The following NBAS variants were observed in gnomAD, a reference collection of about 807,000 sequenced individuals.
NBAS encodes NAG/BC035112 fusion.
A neutral mutation model predicts 302.5 loss-of-function variants in NBAS; 219 were observed. The observed-to-expected ratio is 0.72, with a 90% confidence interval of 0.65 to 0.81. The LOEUF is 0.81. Among genes scored for constraint, NBAS ranks in the 30% least tolerant of loss-of-function variants. The pLI, the probability that NBAS is intolerant of heterozygous loss-of-function variation, is 0.00. For missense variants in NBAS, 2,932 were observed against 2,841.6 expected, an observed-to-expected ratio of 1.03 and a Z score of -0.72; for synonymous variants, 1,118 against 1,021.6, an observed-to-expected ratio of 1.09 and a Z score of -1.80.
At chr2:14,820,354 C>T in the NBAS span, among the ~76,000 whole-genome samples, 8 of 152,150 alleles carry the variant, frequency 5.3e-5, no homozygotes, top group African/African-American at 9.7e-5. Flanking sequence ...GAGACCCAAT[C>T]GATTGCAACA....
At chr2:14,788,292 T>A in the NBAS span, among the ~76,000 whole-genome samples, 2 of 152,210 alleles carry the variant, frequency 1.3e-5, no homozygotes, top group African/African-American at 4.8e-5. Flanking sequence ...CGGAGTAGTT[T>A]GATTGTCTGA....
chr2:15,136,050 C>T, the NBAS span, among the ~76,000 whole-genome samples: 1,192 of 152,300 alleles, frequency 7.8e-3, 20 homozygotes, highest in African/African-American at 0.028. Context: ...CACCATTCTC[C>T]GGTCAAGAGG....
intron 28 of NBAS, chr2:15,393,614 T>TGAAAGCGTATGTCTACACAAAC: frequency 2.1e-6 from 1 of 465,868 alleles, no homozygotes; most frequent in Non-Finnish European, 4.4e-6. Flanking sequence ...CTGAGAGAAA[T>TGAAAGCGTATGTCTACACAAAC]GAAAGCGTAT....
intron 9 of NBAS, among the ~76,000 whole-genome samples, chr2:15,528,919 ACACAC>A (rs1663082113): frequency 1.4e-5 from 1 of 73,380 alleles, no homozygotes. Context: ...ATATATACAC[ACACAC>A]ATATATATTT....
At chr2:14,965,896 T>A in the NBAS span, among the ~76,000 whole-genome samples, 2 of 152,184 alleles carry the variant, frequency 1.3e-5, no homozygotes, top group African/African-American at 4.8e-5. Context: ...TACTTGTGAA[T>A]GTGACTTCAT....
intron 35 of NBAS, among the ~76,000 whole-genome samples, chr2:15,335,052 A>T (rs1021933825): frequency 6.6e-6 from 1 of 152,222 alleles, no homozygotes; most frequent in South Asian, 2.1e-4. Context: ...TTTTAAGAGT[A>T]GTTAAAGACT....
In NBAS at chr2:15,515,381, A is replaced by G. The variant is rs575421738; in HGVS notation, c.747-4031T>C. On this transcript the variant is annotated intron_variant, in intron 9 of 51. Coordinates refer to ENST00000281513, the MANE Select transcript of NBAS (RefSeq NM_015909.4). Reference sequence around the variant, plus strand: ...ATGCCAAGGGGCCAGCCTGGAAAACATGTCTCTACAAAAATACAAAAATTA... The same window carrying G: ...ATGCCAAGGGGCCAGCCTGGAAAACGTGTCTCTACAAAAATACAAAAATTA... Among the ~76,000 whole-genome samples, 93 of 152,298 alleles carry G rather than the reference A, an allele frequency of 6.1e-4. No individual in the cohort carries two copies. The South Asian group carries it at 0.01, about 17-fold the overall frequency.
At chr2:15,126,558 C>G in the NBAS span, among the ~76,000 whole-genome samples, 1 of 152,148 alleles carries the variant, frequency 6.6e-6, no homozygotes, top group Non-Finnish European at 1.5e-5. Flanking sequence ...AGGTACCTCA[C>G]CCGAGGGGCA....
chr2:15,192,500 G>GA (rs1222498831), intron 48 of NBAS, among the ~76,000 whole-genome samples: 3 of 152,038 alleles, frequency 2.0e-5, no homozygotes, highest in Non-Finnish European at 4.4e-5. Context: ...ATTGCCAAAA[G>GA]AAAAATTACT....
At chr2:15,426,898 GA>G (rs1677507198) in intron 22 of NBAS, among the ~76,000 whole-genome samples, 1 of 152,068 alleles carries the variant, frequency 6.6e-6, no homozygotes. Flanking sequence ...TCAGTATCTA[GA>G]AACCTCTTTT....
At chr2:14,926,212 C>G in the NBAS span, among the ~76,000 whole-genome samples, 1 of 152,178 alleles carries the variant, frequency 6.6e-6, no homozygotes, top group African/African-American at 2.4e-5. Context: ...GGGACCCATA[C>G]TACAATTACG....
intron 48 of NBAS, among the ~76,000 whole-genome samples, chr2:15,204,350 T>C (rs1666039545): frequency 6.6e-6 from 1 of 152,184 alleles, no homozygotes; most frequent in African/African-American, 2.4e-5. Context: ...TATTGTACTC[T>C]ACCCAGTAAT....
intron 9 of NBAS, among the ~76,000 whole-genome samples, chr2:15,525,700 G>A (rs1055740253): frequency 1.3e-5 from 2 of 152,066 alleles, no homozygotes; most frequent in African/African-American, 4.8e-5. Context: ...GTAAATTAGG[G>A]TCTAGAAGTA....
At chr2:15,120,996 CT>C in the NBAS span, among the ~76,000 whole-genome samples, 1 of 152,140 alleles carries the variant, frequency 6.6e-6, no homozygotes, top group Non-Finnish European at 1.5e-5. Flanking sequence ...CTTTTATATT[CT>C]TTTTTGGCTT....
Position 15,535,551 on chromosome 2 carries a change from T to TAAACAAAC in NBAS, c.647+866_647+867insGTTTGTTT, listed in dbSNP as rs35626261. ...ATAAATAAATAAATAAATAAATAAA[T>TAAACAAAC]AAATAAATAAATAAAAATAAAAAAA... On this transcript the variant is annotated intron_variant, in intron 8 of 51. Transcript: ENST00000281513. Among the ~76,000 whole-genome samples, 629 of 147,846 alleles carry TAAACAAAC rather than the reference T, an allele frequency of 4.3e-3. 13 individuals are homozygous for TAAACAAAC. The highest frequency in any genetic ancestry group is 3.4e-3 in the Middle Eastern group (1 of 290).
the NBAS span, among the ~76,000 whole-genome samples, chr2:14,909,711 G>A: frequency 6.6e-6 from 1 of 152,176 alleles, no homozygotes; most frequent in African/African-American, 2.4e-5. Context: ...GCCAGGGAGG[G>A]AATTAATTTA....
At position 15,561,126 on chromosome 2, in the gene NBAS, G is replaced by A. The variant is rs999913185; in HGVS notation, c.117+62C>T. 7 of 1,133,490 alleles carry A rather than the reference G, an allele frequency of 6.2e-6. No individual in the cohort carries two copies. In the East Asian group the frequency reaches 2.0e-4, roughly 33 times the overall value. 70.2% of individuals were successfully genotyped at this position (1,133,490 alleles called of 1,614,324 possible). ...CACTCCCCTACGTGGCTCCTGCTACGTGGCTCTACCCACGAAGCGCCCGCG... is the reference window on the plus strand; with the variant it reads ...CACTCCCCTACGTGGCTCCTGCTACATGGCTCTACCCACGAAGCGCCCGCG... On this transcript the variant is annotated intron_variant, in intron 1 of 51. Transcript: ENST00000281513.
intron 5 of NBAS, among the ~76,000 whole-genome samples, chr2:15,552,852 G>A (rs1664447717): frequency 6.6e-6 from 1 of 150,544 alleles, no homozygotes; most frequent in Non-Finnish European, 1.5e-5. Flanking sequence ...GAGTGCAGTG[G>A]CACAATCTCG....
chr2:14,804,271 A>C, the NBAS span, among the ~76,000 whole-genome samples: 1 of 152,154 alleles, frequency 6.6e-6, no homozygotes, highest in African/African-American at 2.4e-5. Context: ...TTAGTGCTAC[A>C]TTTTCACATA....
Sources: gnomAD v4.1 joint callset for allele counts (sites outside exome capture counted in the v4.1 genomes callset) on GRCh38, gnomAD v4.1.1 for gene constraint, MANE v1.5 for transcripts, NCBI Gene and HGNC (gene_info 2026-07-23, HGNC 2026-07-21) for gene names.